The following FBXO16 variants were observed in gnomAD, a reference collection of about 807,000 sequenced individuals.
FBXO16 encodes F-box protein 16.
In FBXO16, 31 loss-of-function variants were observed where a neutral mutation model predicts 41.0. The ratio of observed to expected loss-of-function variants is 0.76; its 90% CI spans 0.57 to 1.02. FBXO16 has a LOEUF of 1.02. FBXO16 is among the 50% of genes least tolerant of loss of function. FBXO16 has a pLI of 0.00. For missense variants in FBXO16, 361 were observed against 346.2 expected (o/e 1.04, Z -0.34); for synonymous variants, 133 against 117.8 (o/e 1.13, Z -0.84).
chr8:28,428,614 C>A lies in FBXO16; in HGVS notation c.*113G>T, dbSNP rs750816028. On this transcript the variant is annotated 3_prime_UTR_variant, in exon 9 of 9. Transcript: ENST00000380254. ...TGAGTCATGCTTGGGGCCCAGGGTGCCTGTGAGGATGCTGCATGAGAATTT... is the reference window on the plus strand; with the variant it reads ...TGAGTCATGCTTGGGGCCCAGGGTGACTGTGAGGATGCTGCATGAGAATTT... The A allele has an allele frequency of 6.4e-7, 1 of 1,551,632 alleles. No individual in the cohort carries two copies. Among genetic ancestry groups the A allele is most frequent in the Non-Finnish European group, 8.7e-7 (1 of 1,147,176 alleles).
At chr8:28,462,771 C>T (rs1803158678) in intron 4 of FBXO16, among the ~76,000 whole-genome samples, 1 of 152,124 alleles carries the variant, frequency 6.6e-6, no homozygotes, top group African/African-American at 2.4e-5. Context: ...AAAAACAGAA[C>T]AATCATCTCC....
intron 7 of FBXO16, among the ~76,000 whole-genome samples, chr8:28,433,180 T>A (rs1474387248): frequency 6.6e-6 from 1 of 152,136 alleles, no homozygotes; most frequent in Non-Finnish European, 1.5e-5. Flanking sequence ...AATTCAAAGA[T>A]ATTTTTCTCA....
intron 3 of FBXO16, among the ~76,000 whole-genome samples, chr8:28,472,365 T>C (rs777239446): frequency 3.3e-5 from 5 of 152,330 alleles, no homozygotes; most frequent in Non-Finnish European, 7.3e-5. Context: ...CCTCCCAAAG[T>C]ACTGGTATTA....
chr8:28,463,304 T>TTG (rs371530816), intron 4 of FBXO16, among the ~76,000 whole-genome samples: 2 of 150,280 alleles, frequency 1.3e-5, no homozygotes, highest in East Asian at 1.9e-4. Context: ...TTGTGTGTGT[T>TTG]TGTGTGTGTG....
chr8:28,463,521 T>C (rs893145559), intron 4 of FBXO16, 91 bp downstream of exon 4: 2 of 1,242,036 alleles, frequency 1.6e-6, no homozygotes, highest in Non-Finnish European at 2.3e-6. Context: ...TGTGTGTGTA[T>C]GCCTGTGTTT....
intron 7 of FBXO16, among the ~76,000 whole-genome samples, chr8:28,442,896 T>C (rs1802801629): frequency 6.6e-6 from 1 of 152,156 alleles, no homozygotes; most frequent in Non-Finnish European, 1.5e-5. Flanking sequence ...TCCCCAAGTA[T>C]GGTTCTGTTT....
At chr8:28,430,390 A>G (rs187767185) in intron 7 of FBXO16, among the ~76,000 whole-genome samples, 33 of 152,308 alleles carry the variant, frequency 2.2e-4, no homozygotes, top group Non-Finnish European at 4.3e-4. Context: ...GAAAGCTTAC[A>G]CTTCATTGAA....
Position 28,462,580 on chromosome 8 carries a change from G to A in FBXO16, c.342+1032C>T, listed in dbSNP as rs191342751. Among the ~76,000 whole-genome samples, 681 of 152,150 alleles carry A rather than the reference G, an allele frequency of 4.5e-3. 3 individuals are homozygous for A. The highest frequency in any genetic ancestry group is 0.015 in the African/African-American group (640 of 41,530). On this transcript the variant is annotated intron_variant, in intron 4 of 8. Transcript: ENST00000380254. ...GGCGTGAGCCACCGCGCCCGGCCCCGCATTCATTTTCTTAATTTTAAAAAC... is the reference window on the plus strand; with the variant it reads ...GGCGTGAGCCACCGCGCCCGGCCCCACATTCATTTTCTTAATTTTAAAAAC...
intron 7 of FBXO16, among the ~76,000 whole-genome samples, chr8:28,445,788 C>G (rs1371509867): frequency 1.3e-5 from 2 of 152,096 alleles, no homozygotes; most frequent in Non-Finnish European, 2.9e-5. Flanking sequence ...CTTGAAAATA[C>G]ATTTTAACAG....
At chr8:28,454,092 G>A (rs570148836) in intron 5 of FBXO16, among the ~76,000 whole-genome samples, 3 of 151,846 alleles carry the variant, frequency 2.0e-5, no homozygotes, top group Admixed American at 6.6e-5. Context: ...CTTGAACTCC[G>A]GAGGCAGAGG....
intron 1 of FBXO16, among the ~76,000 whole-genome samples, chr8:28,489,253 G>A (rs1436367686): frequency 1.3e-5 from 2 of 151,934 alleles, no homozygotes; most frequent in Non-Finnish European, 2.9e-5. Context: ...GAGGTGGGAG[G>A]ACTGCTTGAG....
At chr8:28,442,909 G>A (rs1802801929) in intron 7 of FBXO16, among the ~76,000 whole-genome samples, 2 of 152,162 alleles carry the variant, frequency 1.3e-5, no homozygotes, top group Admixed American at 6.5e-5. Flanking sequence ...TTCTGTTTTT[G>A]GAGACAGCGC....
chr8:28,428,788 A>G, intron 8 of FBXO16, 52 bp from the exon 9 acceptor site: 2 of 1,452,670 alleles, frequency 1.4e-6, no homozygotes, highest in Non-Finnish European at 1.8e-6. Context: ...ATACCAAGGG[A>G]GCTATCTAGT....
At chr8:28,466,840 G>C (rs1055932637) in intron 3 of FBXO16, among the ~76,000 whole-genome samples, 1 of 152,208 alleles carries the variant, frequency 6.6e-6, no homozygotes, top group Non-Finnish European at 1.5e-5. Flanking sequence ...GAGCTGGGGA[G>C]TGAAGGCAGA....
In FBXO16 at chr8:28,473,789, C is replaced by T. The variant is rs1256857871; in HGVS notation, c.118G>A (p.Ala40Thr). The stretch of plus-strand genomic sequence containing the variant: ...ATGTTTACCCATTTGCCAAGCAGGG[C>T]TCTTCTTTCTTCAAATACCTACAGT... The part of the protein sequence containing the change: ...LNDRVFEERR[A>T]LLGKWFDKWT... Residue 40 changes from alanine to threonine, a missense_variant, in exon 3 of 9, where the codon GCC (alanine) becomes ACC (threonine). Transcript: ENST00000380254. 1 of 1,603,898 alleles carries T rather than the reference C, an allele frequency of 6.2e-7. No homozygotes were observed. Among genetic ancestry groups the T allele is most frequent in the Non-Finnish European group, 8.5e-7 (1 of 1,173,090 alleles).
In FBXO16 at chr8:28,463,206, TTG is replaced by T. The variant is rs199836265; in HGVS notation, c.342+404_342+405del. ...TATGTGTGTATGTTTGTGTATGTGT[TTG>T]TGTGTTTATGTGTGTCCGTGTGTGT... On this transcript the variant is annotated intron_variant, in intron 4 of 8. Coordinates refer to ENST00000380254, the MANE Select transcript of FBXO16 (RefSeq NM_172366.4). Among the ~76,000 whole-genome samples, 1,011 of 150,116 alleles carry T rather than the reference TTG, an allele frequency of 6.7e-3. 12 individuals are homozygous for T. Among genetic ancestry groups the T allele is most frequent in the African/African-American group, 0.023 (922 of 40,640 alleles).
chr8:28,470,001 G>A (rs1197181603), intron 3 of FBXO16, among the ~76,000 whole-genome samples: 1 of 151,836 alleles, frequency 6.6e-6, no homozygotes, highest in African/African-American at 2.4e-5. Context: ...TCAGGAGATC[G>A]AGACCACAGT....
At chr8:28,433,956 A>ATTTTTTTTTT (rs773888558) in intron 7 of FBXO16, among the ~76,000 whole-genome samples, 15 of 118,298 alleles carry the variant, frequency 1.3e-4, no homozygotes, top group African/African-American at 5.0e-4. Context: ...TCACTCCCTG[A>ATTTTTTTTTT]TTTTTTTTTT....
chr8:28,448,340 C>CAAAAAAAAAAAAAAAAAAAAAGAAAAA (rs56323338), intron 6 of FBXO16, among the ~76,000 whole-genome samples: 1 of 49,906 alleles, frequency 2.0e-5, no homozygotes, highest in Non-Finnish European at 4.2e-5. Flanking sequence ...GACCCTAAAT[C>CAAAAAAAAAAAAAAAAAAAAAGAAAAA]AAAAAAAAAA....
Sources: allele counts gnomAD v4.1 joint callset (sites outside exome capture counted in the v4.1 genomes callset), GRCh38; gene constraint gnomAD v4.1.1; transcripts MANE v1.5; gene names NCBI Gene and HGNC (gene_info 2026-07-23, HGNC 2026-07-21).